Variants in DACH1 observed in about 807,000 individuals in gnomAD.
DACH1 encodes the protein dachshund homolog 1.
A neutral mutation model predicts 54.2 loss-of-function variants in DACH1; 12 were observed. The observed-to-expected ratio is 0.22, with a 90% CI of 0.14 to 0.36. DACH1 has a LOEUF of 0.36. DACH1 is among the 10% of genes least tolerant of loss of function. DACH1 has a pLI of 1.00. For synonymous variants in DACH1, 386 were observed against 366.2 expected (o/e 1.05, Z -0.62); for missense variants, 805 against 929.8 (o/e 0.87, Z 1.75).
intron 6 of DACH1, among the ~76,000 whole-genome samples, chr13:71,551,172 A>AT (rs1883791528): frequency 6.6e-6 from 1 of 152,054 alleles, no homozygotes; most frequent in African/African-American, 2.4e-5. Flanking sequence ...TTATAATTTA[A>AT]TTTTTTATTG....
At chr13:71,788,345 T>C (rs112594890) in intron 1 of DACH1, among the ~76,000 whole-genome samples, 16 of 152,164 alleles carry the variant, frequency 1.1e-4, no homozygotes, top group African/African-American at 3.9e-4. Flanking sequence ...AAGACTCTTA[T>C]AGCCAGTTTC....
intron 1 of DACH1, among the ~76,000 whole-genome samples, chr13:71,855,178 T>C (rs1240148348): frequency 6.6e-6 from 1 of 152,034 alleles, no homozygotes. Context: ...TAACCACTTA[T>C]CCAAATGGTT....
intron 2 of DACH1, among the ~76,000 whole-genome samples, chr13:71,658,800 A>C (rs1186385819): frequency 6.6e-6 from 1 of 152,192 alleles, no homozygotes; most frequent in East Asian, 1.9e-4. Flanking sequence ...AAAAATGTGT[A>C]CATAGTTTCA....
chr13:71,846,816 T>C (rs2138251864), intron 1 of DACH1, among the ~76,000 whole-genome samples: 1 of 152,334 alleles, frequency 6.6e-6, no homozygotes, highest in East Asian at 1.9e-4. Flanking sequence ...TCTTTGAAAC[T>C]AATAGTTAGA....
In DACH1 at chr13:71,755,936, G is replaced by GA. The variant is rs1193843744; in HGVS notation, c.849-74027dup. 3.9e-5 allele frequency among the ~76,000 whole-genome samples: 6 copies of GA among 152,098 alleles called. No individual in the cohort carries two copies. The East Asian group carries it at 7.7e-4, about 20-fold the overall frequency. On this transcript the variant is annotated intron_variant, in intron 1 of 10. Coordinates refer to ENST00000613252, the MANE Select transcript of DACH1 (RefSeq NM_080759.6). Reference sequence around the variant, plus strand: ...TTAATTTATTGGCTGAGACGGTATGGAAAAAATACTAAAAAATGTTAAATA... The same window carrying GA: ...TTAATTTATTGGCTGAGACGGTATGGAAAAAAATACTAAAAAATGTTAAATA...
At chr13:71,505,819 C>A (rs1322423029) in intron 6 of DACH1, among the ~76,000 whole-genome samples, 1 of 152,124 alleles carries the variant, frequency 6.6e-6, no homozygotes, top group Non-Finnish European at 1.5e-5. Context: ...GTACTTTCCA[C>A]TTTAGCCTAT....
intron 1 of DACH1, among the ~76,000 whole-genome samples, chr13:71,688,467 T>C (rs375308799): frequency 6.6e-6 from 1 of 152,354 alleles, no homozygotes; most frequent in African/African-American, 2.4e-5. Context: ...CGTAAAGCTT[T>C]GAGGGATACA....
rs1339245857 is a variant in DACH1 at position 71,625,425 on chromosome 13, C to T, written c.1126+5131G>A. 2.0e-5 allele frequency among the ~76,000 whole-genome samples: 3 copies of T among 151,994 alleles called. No homozygotes were observed. The East Asian group carries it at 5.8e-4, about 29-fold the overall frequency. On this transcript the variant is annotated intron_variant, in intron 3 of 10. Transcript: ENST00000613252. ...ACATGTGTTAGAAGAAAGGAAATGACTCCAGCATAAACTATTTTGTTTCTG... is the reference window on the plus strand; with the variant it reads ...ACATGTGTTAGAAGAAAGGAAATGATTCCAGCATAAACTATTTTGTTTCTG...
In DACH1 at chr13:71,641,994, C is replaced by T. The variant is rs150500492; in HGVS notation, c.965-11277G>A. On this transcript the variant is annotated intron_variant, in intron 2 of 10. Coordinates refer to ENST00000613252, the MANE Select transcript of DACH1 (RefSeq NM_080759.6). ...CTCTTTTTGCTGCAAAAAAATTATTCCAACAGAAAGAAATGTTTAGTTACT... is the reference window on the plus strand; with the variant it reads ...CTCTTTTTGCTGCAAAAAAATTATTTCAACAGAAAGAAATGTTTAGTTACT... 3.0e-4 allele frequency among the ~76,000 whole-genome samples: 46 copies of T among 152,188 alleles called. 1 individual carries two copies. The East Asian group carries it at 8.1e-3, about 27-fold the overall frequency.
intron 3 of DACH1, among the ~76,000 whole-genome samples, chr13:71,617,113 C>T (rs1875841507): frequency 6.6e-6 from 1 of 152,064 alleles, no homozygotes; most frequent in African/African-American, 2.4e-5. Flanking sequence ...AGGTGATCTA[C>T]CTGCCTCGGC....
intron 1 of DACH1, among the ~76,000 whole-genome samples, chr13:71,827,111 G>T (rs1338423484): frequency 2.6e-5 from 4 of 152,022 alleles, no homozygotes; most frequent in African/African-American, 9.7e-5. Context: ...GGAAAATAAA[G>T]AAATAGAGTA....
chr13:71,549,609 T>C (rs1413960716), intron 6 of DACH1, among the ~76,000 whole-genome samples: 3 of 152,180 alleles, frequency 2.0e-5, no homozygotes, highest in African/African-American at 7.2e-5. Flanking sequence ...ACTGGAGATA[T>C]AATTGAGAAA....
At chr13:71,607,158 T>G (rs1383657263) in intron 3 of DACH1, among the ~76,000 whole-genome samples, 1 of 151,986 alleles carries the variant, frequency 6.6e-6, no homozygotes, top group Non-Finnish European at 1.5e-5. Context: ...AATTGCACTT[T>G]AAAAAAGAGC....
intron 2 of DACH1, among the ~76,000 whole-genome samples, chr13:71,671,150 T>C (rs899521841): frequency 9.9e-5 from 15 of 152,116 alleles, no homozygotes; most frequent in African/African-American, 3.6e-4. Context: ...ATCACAACTT[T>C]AAATATTTCT....
chr13:71,567,071 T>C (rs1175804243), intron 4 of DACH1, among the ~76,000 whole-genome samples: 1 of 152,096 alleles, frequency 6.6e-6, no homozygotes, highest in Non-Finnish European at 1.5e-5. Flanking sequence ...AAAGTATGAG[T>C]ACAATTATAA....
chr13:71,812,901 C>T (rs1887773325), intron 1 of DACH1, among the ~76,000 whole-genome samples: 1 of 152,164 alleles, frequency 6.6e-6, no homozygotes. Flanking sequence ...AATAACAGCA[C>T]AGTCAGGCAG....
chr13:71,438,934 C>G lies in DACH1; in HGVS notation c.*1721G>C, dbSNP rs1873755662. 1 of 152,398 alleles carries G rather than the reference C, an allele frequency of 6.6e-6. No individual in the cohort carries two copies. Among genetic ancestry groups the G allele is most frequent in the South Asian group, 2.1e-4 (1 of 4,828 alleles). 9.4% of individuals were successfully genotyped at this position (152,398 alleles called of 1,614,324 possible). ...GCTAAAATAGGAACTGTACATATAA[C>G]CTTTTTATGGTATTAAAAAGATGAA... On this transcript the variant is annotated 3_prime_UTR_variant, in exon 11 of 11. Coordinates refer to ENST00000613252, the MANE Select transcript of DACH1 (RefSeq NM_080759.6).
chr13:71,798,627 C>T (rs1887162131), intron 1 of DACH1, among the ~76,000 whole-genome samples: 1 of 151,810 alleles, frequency 6.6e-6, no homozygotes, highest in Admixed American at 6.6e-5. Flanking sequence ...TTGTGAAAAA[C>T]ATTTTGCCAA....
chr13:71,459,568 C>CT (rs1459999764), intron 10 of DACH1, among the ~76,000 whole-genome samples: 1 of 151,620 alleles, frequency 6.6e-6, no homozygotes, highest in Non-Finnish European at 1.5e-5. Flanking sequence ...AAGCATAGAC[C>CT]TTCAGATAGT....
Sources: allele counts gnomAD v4.1 joint callset (sites outside exome capture counted in the v4.1 genomes callset), GRCh38; gene constraint gnomAD v4.1.1; transcripts MANE v1.5; gene names NCBI Gene and HGNC (gene_info 2026-07-23, HGNC 2026-07-21).